Variants in EDNRA observed in about 807,000 individuals in gnomAD.
EDNRA encodes endothelin receptor type A, also known as endothelin-1 receptor.
In EDNRA, 11 loss-of-function variants were observed where a neutral mutation model predicts 41.4. The observed-to-expected ratio is 0.27, with a 90% confidence interval of 0.17 to 0.44. The LOEUF (loss-of-function observed/expected upper bound fraction) is 0.44. Ranked by LOEUF, EDNRA falls within the 20% of genes least tolerant of loss-of-function variation. EDNRA has a pLI of 1.00. For synonymous variants in EDNRA, 172 were observed against 183.0 expected, an observed-to-expected ratio of 0.94 and a Z score of 0.49; for missense variants, 294 against 531.0, an observed-to-expected ratio of 0.55 and a Z score of 4.39.
intron 2 of EDNRA, chr4:147,506,819 A>G (rs978267863): frequency 1.6e-5 from 3 of 191,964 alleles, no homozygotes; most frequent in African/African-American, 7.1e-5. Flanking sequence ...AGCAAAACGC[A>G]TTGATACTGG....
intron 2 of EDNRA, chr4:147,493,177 G>T (rs1344960179): frequency 6.6e-6 from 1 of 152,018 alleles, no homozygotes; most frequent in Non-Finnish European, 1.5e-5. Flanking sequence ...GGAAGAGTTT[G>T]CTATATTCTA....
intron 2 of EDNRA, among the ~76,000 whole-genome samples, chr4:147,499,222 A>C (rs1729423415): frequency 6.6e-6 from 1 of 151,984 alleles, no homozygotes; most frequent in Non-Finnish European, 1.5e-5. Context: ...TGCCCATCTA[A>C]TTTTTTGAAT....
At chr4:147,524,726 C>T (rs1730470611) in intron 3 of EDNRA, among the ~76,000 whole-genome samples, 1 of 152,080 alleles carries the variant, frequency 6.6e-6, no homozygotes. Context: ...ACTATTTTTA[C>T]ATTTCATTTG....
chr4:147,532,378 G>T, intron 3 of EDNRA, 128 bp from the exon 4 acceptor site: 1 of 503,524 alleles, frequency 2.0e-6, no homozygotes, highest in Non-Finnish European at 3.3e-6. Context: ...CCAAGACTCA[G>T]AAAATTCCTA....
At chr4:147,503,479 G>A (rs1729583288) in intron 2 of EDNRA, among the ~76,000 whole-genome samples, 1 of 151,860 alleles carries the variant, frequency 6.6e-6, no homozygotes, top group African/African-American at 2.4e-5. Context: ...CAAATGCTCA[G>A]CTGCCTCTGT....
At chr4:147,539,755 T>C in intron 5 of EDNRA, 62 bp from the exon 6 acceptor site, 1 of 1,557,510 alleles carries the variant, frequency 6.4e-7, no homozygotes, top group Admixed American at 1.9e-5. Flanking sequence ...GGTACTGTAG[T>C]TCTTGCATCT....
intron 3 of EDNRA, among the ~76,000 whole-genome samples, chr4:147,531,106 A>C (rs113652730): frequency 3.3e-5 from 5 of 152,346 alleles, no homozygotes; most frequent in African/African-American, 4.8e-5. Flanking sequence ...TAACATTTAA[A>C]TGTGATTATT....
intron 2 of EDNRA, among the ~76,000 whole-genome samples, chr4:147,503,877 A>T (rs1018406739): frequency 6.8e-6 from 1 of 148,028 alleles, no homozygotes; most frequent in East Asian, 1.9e-4. Context: ...ATCATTTTAT[A>T]AAAAATATTT....
At chr4:147,484,825 A>G (rs1047106340) in intron 1 of EDNRA, among the ~76,000 whole-genome samples, 1 of 152,266 alleles carries the variant, frequency 6.6e-6, no homozygotes, top group Non-Finnish European at 1.5e-5. Context: ...TTAATCATCA[A>G]GGTTTTCAAA....
intron 2 of EDNRA, among the ~76,000 whole-genome samples, chr4:147,512,140 C>T (rs898638579): frequency 1.3e-5 from 2 of 152,180 alleles, no homozygotes; most frequent in African/African-American, 4.8e-5. Flanking sequence ...ATCCTTTGGT[C>T]ATATGCTTAC....
At chr4:147,490,147 TCACACACACACACACACA>T (rs35106938) in intron 2 of EDNRA, 4 of 140,790 alleles carry the variant, frequency 2.8e-5, no homozygotes, top group African/African-American at 5.1e-5. Context: ...TTACATACAC[TCACACACACACACACACA>T]CACACACACA....
intron 2 of EDNRA, among the ~76,000 whole-genome samples, chr4:147,508,083 C>T (rs145348331): frequency 2.1e-4 from 32 of 152,192 alleles, no homozygotes; most frequent in Non-Finnish European, 4.1e-4. Context: ...TCCCAGTTAG[C>T]GGATTTGTTT....
chr4:147,505,202 TA>T (rs565487803), intron 2 of EDNRA, among the ~76,000 whole-genome samples: 152 of 90,284 alleles, frequency 1.7e-3, no homozygotes, highest in East Asian at 1.9e-3. Context: ...GGCTAAAATG[TA>T]AAAAAAAAAA....
At chr4:147,484,208 G>T (rs1728867727) in intron 1 of EDNRA, among the ~76,000 whole-genome samples, 1 of 151,952 alleles carries the variant, frequency 6.6e-6, no homozygotes, top group Non-Finnish European at 1.5e-5. Context: ...CCTTATTAAG[G>T]TCTCCTAGAC....
chr4:147,519,892 C>T lies in EDNRA; in HGVS notation c.462C>T (p.Gly154=), dbSNP rs904224448. 5 of 1,613,394 alleles carry T rather than the reference C, an allele frequency of 3.1e-6. No homozygotes were observed. Among genetic ancestry groups the T allele is most frequent in the African/African-American group, 2.7e-5 (2 of 74,882 alleles). The change falls in exon 3 of 8, where the codon GGC becomes GGT. Residue 154 remains glycine (G), a synonymous_variant. Transcript: ENST00000651419. This position sits in a 1 kb window ranked among gnomAD's most constrained non-coding sequence, Gnocchi z 4.1. ...GGCCTTTTGATCACAATGACTTTGG[C>T]GTATTTCTTTGCAAGCTGTTCCCCT... The part of the protein sequence containing the change: ...GRWPFDHNDF[G]VFLCKLFPFL...
rs1435050734 is a variant in EDNRA, at chr4:147,488,467, A to C, written c.420+2366A>C. On this transcript the variant is annotated intron_variant, in intron 2 of 7. Coordinates refer to ENST00000651419, the MANE Select transcript of EDNRA (RefSeq NM_001957.4). The stretch of plus-strand genomic sequence containing the variant: ...ACTTTGTATACCTTACTGTAGTTCT[A>C]AATAATGTGGACAGTTTGACTGGTA... 2.0e-5 allele frequency: 3 copies of C among 152,370 alleles called. No homozygotes were observed. The South Asian group carries it at 6.2e-4, about 32-fold the overall frequency. The allele number at this position is 152,370 out of a possible 1,614,324, so 9.4% of individuals were successfully genotyped here. A position where few individuals can be genotyped will look rare whatever the true frequency, so the allele number is the denominator to read the frequency against.
intron 3 of EDNRA, among the ~76,000 whole-genome samples, chr4:147,531,216 A>G (rs1360822118): frequency 3.3e-5 from 5 of 152,224 alleles, no homozygotes; most frequent in Admixed American, 6.5e-5. Flanking sequence ...TATGTTATAT[A>G]CTCTGTTTGA....
chr4:147,496,644 G>C (rs1729309810), intron 2 of EDNRA, among the ~76,000 whole-genome samples: 1 of 152,150 alleles, frequency 6.6e-6, no homozygotes, highest in African/African-American at 2.4e-5. Flanking sequence ...GAATTTGCTT[G>C]CCTGTTTTTG....
At chr4:147,505,172 T>C (rs1430646850) in intron 2 of EDNRA, among the ~76,000 whole-genome samples, 2 of 142,218 alleles carry the variant, frequency 1.4e-5, no homozygotes, top group African/African-American at 5.3e-5. Context: ...CAGTGAGATA[T>C]CACTACACCC....
Sources: allele counts gnomAD v4.1 joint callset (sites outside exome capture counted in the v4.1 genomes callset), GRCh38; gene constraint gnomAD v4.1.1; non-coding constraint Gnocchi (gnomAD v3.1); transcripts MANE v1.5; gene names NCBI Gene and HGNC (gene_info 2026-07-23, HGNC 2026-07-21).